Variants in ROCK1 observed in about 807,000 individuals in gnomAD.
ROCK1 encodes rho-associated protein kinase 1.
In ROCK1, 36 loss-of-function variants were observed where a neutral mutation model predicts 196.8. The observed-to-expected ratio is 0.18, with a 90% CI of 0.14 to 0.24. The LOEUF is 0.24. Among genes scored for constraint, ROCK1 ranks in the 10% least tolerant of loss-of-function variants. The probability of loss-of-function intolerance (pLI) is 1.00; values close to 1 mark genes in which losing one functional copy is unlikely to be tolerated. For synonymous variants in ROCK1, 443 were observed against 515.9 expected, an observed-to-expected ratio of 0.86 and a Z score of 1.91; for missense variants, 920 against 1,562.0, an observed-to-expected ratio of 0.59 and a Z score of 6.93.
intron 10 of ROCK1, among the ~76,000 whole-genome samples, chr18:21,026,527 A>G (rs2035958313): frequency 6.6e-6 from 1 of 151,970 alleles, no homozygotes; most frequent in Non-Finnish European, 1.5e-5. Flanking sequence ...TTAATTGAAT[A>G]CAGTTATAAT....
intron 10 of ROCK1, among the ~76,000 whole-genome samples, chr18:21,027,042 G>T (rs536618538): frequency 6.6e-6 from 1 of 151,302 alleles, no homozygotes; most frequent in Non-Finnish European, 1.5e-5. Flanking sequence ...AGGTTGAAGC[G>T]ATTCTCCTGC....
At chr18:20,976,837 T>C (rs984515310) in intron 22 of ROCK1, among the ~76,000 whole-genome samples, 3 of 151,952 alleles carry the variant, frequency 2.0e-5, no homozygotes, top group African/African-American at 7.3e-5. Flanking sequence ...AATAATCTTC[T>C]CTCCTCTCAT....
intron 2 of ROCK1, among the ~76,000 whole-genome samples, chr18:21,052,223 T>C (rs1162161299): frequency 6.6e-6 from 1 of 152,204 alleles, no homozygotes; most frequent in Non-Finnish European, 1.5e-5. Context: ...CTCTGTTGGA[T>C]GGCTTTCAAT....
intron 2 of ROCK1, among the ~76,000 whole-genome samples, chr18:21,062,297 G>C (rs976674405): frequency 1.3e-4 from 20 of 152,066 alleles, no homozygotes; most frequent in African/African-American, 4.6e-4. Context: ...AAAAAAGTAA[G>C]AACATGTCAA....
intron 12 of ROCK1, among the ~76,000 whole-genome samples, chr18:21,016,656 T>C (rs2035865341): frequency 1.3e-5 from 2 of 152,018 alleles, no homozygotes; most frequent in African/African-American, 4.8e-5. Context: ...CCCACCCCAA[T>C]ACCAATTTGC....
At chr18:20,980,894 C>T (rs182543617) in intron 21 of ROCK1, among the ~76,000 whole-genome samples, 6 of 133,148 alleles carry the variant, frequency 4.5e-5, no homozygotes, top group Admixed American at 2.6e-4. Flanking sequence ...CCAGCCTGGG[C>T]GACAGAGTGA....
chr18:21,001,326 G>A (rs73431095), intron 16 of ROCK1, among the ~76,000 whole-genome samples: 2,160 of 152,306 alleles, frequency 0.014, 57 homozygotes, highest in African/African-American at 0.049. Context: ...GTTTCAAAAT[G>A]AAATGTTTTG....
At chr18:20,964,131 T>TAA (rs970003796) in intron 27 of ROCK1, among the ~76,000 whole-genome samples, 2 of 150,886 alleles carry the variant, frequency 1.3e-5, no homozygotes, top group Non-Finnish European at 1.5e-5. Context: ...TCCAACTACT[T>TAA]AAAAAAAAAC....
At chr18:21,047,499 A>C (rs1181255130) in intron 4 of ROCK1, among the ~76,000 whole-genome samples, 2 of 152,212 alleles carry the variant, frequency 1.3e-5, no homozygotes, top group African/African-American at 4.8e-5. Flanking sequence ...TTCAAGTTTA[A>C]AAGTACTATG....
chr18:21,106,057 G>A (rs2036700213), intron 1 of ROCK1, among the ~76,000 whole-genome samples: 1 of 152,112 alleles, frequency 6.6e-6, no homozygotes, highest in Non-Finnish European at 1.5e-5. Flanking sequence ...TCCCTAATAA[G>A]AAATAGTAGT....
chr18:21,066,717 C>T (rs1434835735), intron 2 of ROCK1, among the ~76,000 whole-genome samples: 2 of 152,156 alleles, frequency 1.3e-5, no homozygotes, highest in Admixed American at 1.3e-4. Flanking sequence ...GCTTTTTTCA[C>T]TTAACAGAAT....
At chr18:21,086,634 A>T (rs957629761) in intron 1 of ROCK1, among the ~76,000 whole-genome samples, 1 of 152,146 alleles carries the variant, frequency 6.6e-6, no homozygotes, top group Non-Finnish European at 1.5e-5. Flanking sequence ...ATGGCTAAAA[A>T]TTCCCCAAAT....
intron 22 of ROCK1, among the ~76,000 whole-genome samples, chr18:20,973,607 T>C (rs1486023199): frequency 6.6e-6 from 1 of 151,978 alleles, no homozygotes; most frequent in African/African-American, 2.4e-5. Context: ...CAGGAAGAGA[T>C]AGGATCGAGG....
Position 20,947,510 on chromosome 18 carries a change from A to G in ROCK1, c.*3874T>C, listed in dbSNP as rs867085325. ...CCAGAAATTGATTTGAACAGTAAACATTATAAAAACAAAGAATAATTGTGA... is the reference window on the plus strand; with the variant it reads ...CCAGAAATTGATTTGAACAGTAAACGTTATAAAAACAAAGAATAATTGTGA... On this transcript the variant is annotated 3_prime_UTR_variant, in exon 33 of 33. Coordinates refer to ENST00000399799, the MANE Select transcript of ROCK1 (RefSeq NM_005406.3). The G allele has an allele frequency of 6.6e-6, 1 of 152,076 alleles. No homozygotes were observed. Among genetic ancestry groups the G allele is most frequent in the African/African-American group, 2.4e-5 (1 of 41,404 alleles). The allele number at this position is 152,076 out of a possible 1,614,324, so 9.4% of individuals were successfully genotyped here.
chr18:21,054,171 G>T (rs557709453), intron 2 of ROCK1, among the ~76,000 whole-genome samples: 86 of 152,166 alleles, frequency 5.7e-4, no homozygotes, highest in African/African-American at 2.0e-3. Context: ...TCACATTCAT[G>T]ATATTGTTTC....
At chr18:21,058,682 C>T (rs886317300) in intron 2 of ROCK1, among the ~76,000 whole-genome samples, 1 of 152,096 alleles carries the variant, frequency 6.6e-6, no homozygotes, top group African/African-American at 2.4e-5. Flanking sequence ...GGAGTTCAAG[C>T]GATTCTCCCA....
intron 1 of ROCK1, among the ~76,000 whole-genome samples, chr18:21,092,580 T>TAAAAAAAAAAAAAA (rs35799573): frequency 7.4e-5 from 6 of 81,112 alleles, no homozygotes; most frequent in Admixed American, 4.8e-4. Context: ...ACCTCATCTT[T>TAAAAAAAAAAAAAA]AAAAAAAAAA....
At chr18:21,001,276 G>A (rs73431093) in intron 16 of ROCK1, among the ~76,000 whole-genome samples, 2,181 of 152,228 alleles carry the variant, frequency 0.014, 57 homozygotes, top group African/African-American at 0.049. Flanking sequence ...ATAGTGGAGC[G>A]GAGAATAGGG....
intron 29 of ROCK1, among the ~76,000 whole-genome samples, chr18:20,956,116 T>C (rs2035239284): frequency 6.6e-6 from 1 of 152,076 alleles, no homozygotes; most frequent in African/African-American, 2.4e-5. Context: ...TTGTATGCAG[T>C]TGTCTCGTGG....
Sources: gnomAD v4.1 joint callset for allele counts (sites outside exome capture counted in the v4.1 genomes callset) on GRCh38, gnomAD v4.1.1 for gene constraint, MANE v1.5 for transcripts, NCBI Gene and HGNC (gene_info 2026-07-23, HGNC 2026-07-21) for gene names.